RASGRF2: variants seen among roughly 807,000 people sequenced by gnomAD.
RASGRF2 encodes the protein Ras protein specific guanine nucleotide releasing factor 2.
In RASGRF2, 76 loss-of-function variants were observed where a neutral mutation model predicts 151.0. The ratio of observed to expected loss-of-function variants is 0.50; its 90% CI spans 0.42 to 0.61. RASGRF2 has a LOEUF of 0.61. RASGRF2 is among the 20% of genes least tolerant of loss of function. The pLI, the probability that RASGRF2 is intolerant of heterozygous loss-of-function variation, is 0.00. For missense variants in RASGRF2, 1,148 were observed against 1,564.6 expected (o/e 0.73, Z 4.49); for synonymous variants, 504 against 566.5 (o/e 0.89, Z 1.57).
intron 1 of RASGRF2, among the ~76,000 whole-genome samples, chr5:80,976,139 G>A (rs995904633): frequency 2.0e-5 from 3 of 152,076 alleles, no homozygotes; most frequent in African/African-American, 7.2e-5. Flanking sequence ...CACCACGCCC[G>A]GCTAAAGCAA....
At chr5:81,222,776 T>A (rs752736560) in intron 26 of RASGRF2, among the ~76,000 whole-genome samples, 2 of 151,636 alleles carry the variant, frequency 1.3e-5, no homozygotes, top group Admixed American at 1.3e-4. Context: ...CTATTCAGAT[T>A]TGAACAGGAA....
At chr5:81,034,034 A>G (rs1487969166) in intron 1 of RASGRF2, among the ~76,000 whole-genome samples, 1 of 152,250 alleles carries the variant, frequency 6.6e-6, no homozygotes, top group African/African-American at 2.4e-5. Context: ...TGCAGCCAAC[A>G]GACACATGAA....
chr5:80,981,852 C>T (rs139531619), intron 1 of RASGRF2, among the ~76,000 whole-genome samples: 154 of 152,314 alleles, frequency 1.0e-3, no homozygotes, highest in African/African-American at 3.5e-3. Flanking sequence ...GTGTCCCAGA[C>T]ATTTCCTTTC....
intron 22 of RASGRF2, among the ~76,000 whole-genome samples, chr5:81,209,139 G>T (rs556046939): frequency 2.6e-5 from 4 of 152,142 alleles, no homozygotes; most frequent in Admixed American, 1.3e-4. Flanking sequence ...ATTACTGAAC[G>T]TTCAGCCTGA....
chr5:81,109,448 G>A (rs1245558568), intron 13 of RASGRF2, among the ~76,000 whole-genome samples: 1 of 152,160 alleles, frequency 6.6e-6, no homozygotes, highest in Non-Finnish European at 1.5e-5. Flanking sequence ...CTGAGTTCAG[G>A]AGTTTGCGAA....
At chr5:81,222,353 CT>C (rs1309104880) in intron 26 of RASGRF2, among the ~76,000 whole-genome samples, 1 of 152,224 alleles carries the variant, frequency 6.6e-6, no homozygotes, top group Non-Finnish European at 1.5e-5. Flanking sequence ...GACACACTTT[CT>C]TTTAATAGCC....
intron 25 of RASGRF2, 96 bp downstream of exon 25, chr5:81,217,569 C>CTAT: frequency 7.1e-6 from 3 of 421,216 alleles, no homozygotes; most frequent in Non-Finnish European, 1.0e-5. Flanking sequence ...TTTTTTTTTT[C>CTAT]TCTTCTTTTT....
At chr5:80,979,743 T>C (rs1748238348) in intron 1 of RASGRF2, among the ~76,000 whole-genome samples, 1 of 152,226 alleles carries the variant, frequency 6.6e-6, no homozygotes. Flanking sequence ...TATTGCATCC[T>C]GTACTGTAAG....
chr5:81,106,182 C>G (rs1269786322), intron 12 of RASGRF2, among the ~76,000 whole-genome samples: 1 of 152,100 alleles, frequency 6.6e-6, no homozygotes, highest in Non-Finnish European at 1.5e-5. Flanking sequence ...TTAAAATTGC[C>G]TTATAACCAT....
At chr5:81,189,251 C>G (rs1024949592) in intron 18 of RASGRF2, among the ~76,000 whole-genome samples, 1 of 152,164 alleles carries the variant, frequency 6.6e-6, no homozygotes, top group Non-Finnish European at 1.5e-5. Context: ...CCCCAGATAT[C>G]CCACCTTGAC....
intron 1 of RASGRF2, among the ~76,000 whole-genome samples, chr5:81,018,597 A>G (rs1201613364): frequency 6.6e-6 from 1 of 152,200 alleles, no homozygotes; most frequent in African/African-American, 2.4e-5. Flanking sequence ...ATAAAGGAAC[A>G]TAAAACCCAG....
chr5:80,994,446 G>A (rs988858968), intron 1 of RASGRF2, among the ~76,000 whole-genome samples: 6 of 151,408 alleles, frequency 4.0e-5, no homozygotes, highest in Admixed American at 1.3e-4. Flanking sequence ...CAGAAATGAC[G>A]AGCTGATGGC....
intron 1 of RASGRF2, among the ~76,000 whole-genome samples, chr5:81,027,653 T>G (rs1428189821): frequency 6.6e-6 from 1 of 152,232 alleles, no homozygotes; most frequent in East Asian, 1.9e-4. Context: ...GGATGAAATA[T>G]GCTTTGAAAA....
At chr5:81,059,441 G>T (rs966087696) in intron 2 of RASGRF2, among the ~76,000 whole-genome samples, 1 of 149,994 alleles carries the variant, frequency 6.7e-6, no homozygotes, top group Admixed American at 6.7e-5. Context: ...CTTACACCTC[G>T]CTGGACTGGG....
At chr5:81,129,950 G>A (rs1753570908) in intron 17 of RASGRF2, among the ~76,000 whole-genome samples, 1 of 152,180 alleles carries the variant, frequency 6.6e-6, no homozygotes, top group Non-Finnish European at 1.5e-5. Context: ...AGATTGCAAT[G>A]AAGATTGAAT....
At position 81,046,561 on chromosome 5, in the gene RASGRF2, G is replaced by A. The variant is rs551241545; in HGVS notation, c.395+3578G>A. On this transcript the variant is annotated intron_variant, in intron 2 of 26. Coordinates refer to ENST00000265080, the MANE Select transcript of RASGRF2 (RefSeq NM_006909.3). ...CACTAGTTCAGGGGACGCTGCTACC[G>A]AGACCCAGTCTTGTTTTTGTCTGGT... 4.7e-4 allele frequency among the ~76,000 whole-genome samples: 71 copies of A among 152,184 alleles called. 1 individual carries two copies. The South Asian group carries it at 6.7e-3, about 14-fold the overall frequency.
chr5:81,152,948 T>C (rs1754170880), intron 17 of RASGRF2, among the ~76,000 whole-genome samples: 2 of 152,204 alleles, frequency 1.3e-5, no homozygotes, highest in South Asian at 4.1e-4. Context: ...CTGTTGAGTG[T>C]TGTTGGAAAC....
chr5:81,210,856 C>T (rs1221024043), intron 22 of RASGRF2, among the ~76,000 whole-genome samples: 2 of 152,088 alleles, frequency 1.3e-5, no homozygotes, highest in Admixed American at 6.6e-5. Context: ...CTTTAAGACT[C>T]AATGCAAGGC....
intron 12 of RASGRF2, among the ~76,000 whole-genome samples, chr5:81,106,055 T>C (rs923977311): frequency 1.3e-5 from 2 of 152,232 alleles, no homozygotes; most frequent in Non-Finnish European, 2.9e-5. Flanking sequence ...TCAATGCATC[T>C]TCTTGGTGCT....
Sources: gnomAD v4.1 joint callset for allele counts (sites outside exome capture counted in the v4.1 genomes callset) on GRCh38, gnomAD v4.1.1 for gene constraint, MANE v1.5 for transcripts, NCBI Gene and HGNC (gene_info 2026-07-23, HGNC 2026-07-21) for gene names.